CLVS1: variants seen among roughly 807,000 people sequenced by gnomAD.
CLVS1 encodes clavesin-1.
In CLVS1, 10 loss-of-function variants were observed where a neutral mutation model predicts 33.1. The observed-to-expected ratio is 0.30, with a 90% CI of 0.19 to 0.51. The LOEUF (loss-of-function observed/expected upper bound fraction) is 0.51, where lower values mean the gene tolerates loss of function less well. CLVS1 is among the 20% of genes least tolerant of loss of function. The pLI, the probability that CLVS1 is intolerant of heterozygous loss-of-function variation, is 0.97. For synonymous variants in CLVS1, 163 were observed against 166.1 expected, an observed-to-expected ratio of 0.98 and a Z score of 0.14; for missense variants, 343 against 433.4, an observed-to-expected ratio of 0.79 and a Z score of 1.85.
chr8:61,194,026 G>T (rs1157808710), intron 2 of CLVS1, among the ~76,000 whole-genome samples: 1 of 148,058 alleles, frequency 6.8e-6, no homozygotes, highest in Admixed American at 6.9e-5. Context: ...TCATATATAT[G>T]TTTTAATGGA....
intron 1 of CLVS1, among the ~76,000 whole-genome samples, chr8:61,111,306 A>G (rs1038082582): frequency 1.3e-5 from 2 of 152,190 alleles, no homozygotes; most frequent in African/African-American, 4.8e-5. Context: ...ATGACAGTTG[A>G]TTGCAAAAAC....
chr8:61,016,941 C>G, the CLVS1 span, among the ~76,000 whole-genome samples: 1 of 152,152 alleles, frequency 6.6e-6, no homozygotes, highest in Non-Finnish European at 1.5e-5. Context: ...GCAGGGATCC[C>G]GATCTGCTGC....
At chr8:61,444,474 A>C (rs372532030) in intron 3 of CLVS1, among the ~76,000 whole-genome samples, 2 of 152,250 alleles carry the variant, frequency 1.3e-5, no homozygotes, top group East Asian at 1.9e-4. Flanking sequence ...TTTATGTATC[A>C]GTAGATATGA....
chr8:61,128,647 G>A (rs1218898294), intron 1 of CLVS1, among the ~76,000 whole-genome samples: 1 of 152,224 alleles, frequency 6.6e-6, no homozygotes, highest in Admixed American at 6.5e-5. Context: ...GTGCTTCTCA[G>A]CCTGGTTCAA....
At chr8:61,228,673 T>A (rs1808376391) in intron 2 of CLVS1, among the ~76,000 whole-genome samples, 1 of 152,228 alleles carries the variant, frequency 6.6e-6, no homozygotes, top group African/African-American at 2.4e-5. Context: ...CTGGCTTATT[T>A]CACTTAATAT....
intron 2 of CLVS1, among the ~76,000 whole-genome samples, chr8:61,198,938 T>C (rs1447937818): frequency 6.6e-6 from 1 of 152,242 alleles, no homozygotes; most frequent in African/African-American, 2.4e-5. Context: ...GTGATGTATA[T>C]GTACTACATT....
chr8:61,200,761 T>A (rs1807711342), intron 2 of CLVS1, among the ~76,000 whole-genome samples: 1 of 152,252 alleles, frequency 6.6e-6, no homozygotes, highest in Admixed American at 6.5e-5. Flanking sequence ...ATCACTTTTT[T>A]AAGCTTTGTC....
intron 2 of CLVS1, among the ~76,000 whole-genome samples, chr8:61,308,953 G>C (rs1156302982): frequency 6.6e-6 from 1 of 152,128 alleles, no homozygotes; most frequent in Non-Finnish European, 1.5e-5. Flanking sequence ...CTGAATCACC[G>C]GTATGCTGTT....
chr8:61,072,327 A>C (rs1168667253), intron 1 of CLVS1, among the ~76,000 whole-genome samples: 1 of 152,330 alleles, frequency 6.6e-6, no homozygotes, highest in East Asian at 1.9e-4. Context: ...ATGAAGATGC[A>C]TTCCAGATCC....
chr8:61,212,451 C>A (rs1807990688), intron 2 of CLVS1, among the ~76,000 whole-genome samples: 1 of 152,160 alleles, frequency 6.6e-6, no homozygotes, highest in South Asian at 2.1e-4. Flanking sequence ...GTGAGGAGCC[C>A]AGGGTACTGA....
At chr8:61,491,319 T>C (rs1472684022) in intron 5 of CLVS1, among the ~76,000 whole-genome samples, 1 of 152,196 alleles carries the variant, frequency 6.6e-6, no homozygotes, top group East Asian at 1.9e-4. Flanking sequence ...AACTGCTTCA[T>C]ACTGGCACAG....
At chr8:61,292,386 G>A (rs923678437) in intron 1 of CLVS1, 18 of 456,036 alleles carry the variant, frequency 3.9e-5, no homozygotes, top group Admixed American at 9.4e-5. Flanking sequence ...GAAGGGTCAC[G>A]GTTACATGGA....
rs565947344 is a variant in CLVS1 at position 61,163,644 on chromosome 8, T to C, written c.-152+31784T>C. Among the ~76,000 whole-genome samples the C allele has an allele frequency of 8.1e-4, 124 of 152,308 alleles. 1 individual carries two copies. The highest frequency in any genetic ancestry group is 1.5e-3 in the Admixed American group (23 of 15,292). The stretch of plus-strand genomic sequence containing the variant: ...CTCACAGATTCCAAGGAATGGAACC[T>C]TGGGCCATGCAGTGTGTGTTATAGC... On this transcript the variant is annotated intron_variant, in intron 2 of 2. Transcript: ENST00000522621.
At chr8:61,049,979 T>A in the CLVS1 span, among the ~76,000 whole-genome samples, 30 of 152,272 alleles carry the variant, frequency 2.0e-4, no homozygotes, top group Admixed American at 8.5e-4. Context: ...TGGGCACTAA[T>A]GTATACGGTG....
chr8:61,023,006 G>A, the CLVS1 span, among the ~76,000 whole-genome samples: 1 of 152,178 alleles, frequency 6.6e-6, no homozygotes, highest in Admixed American at 6.5e-5. Context: ...CTTTGATCAA[G>A]GGATGAGCAA....
intron 2 of CLVS1, among the ~76,000 whole-genome samples, chr8:61,211,614 C>G (rs752004962): frequency 6.6e-6 from 1 of 152,198 alleles, no homozygotes; most frequent in Non-Finnish European, 1.5e-5. Context: ...GTGTGCCAGG[C>G]AATGGTTGCA....
intron 5 of CLVS1, among the ~76,000 whole-genome samples, chr8:61,460,210 A>G (rs1817324436): frequency 6.6e-6 from 1 of 152,214 alleles, no homozygotes; most frequent in Admixed American, 6.5e-5. Flanking sequence ...ATATTTGTGG[A>G]AAAATAAGAT....
the CLVS1 span, among the ~76,000 whole-genome samples, chr8:60,994,879 C>T: frequency 6.6e-6 from 1 of 151,974 alleles, no homozygotes; most frequent in Non-Finnish European, 1.5e-5. Flanking sequence ...ACTATCTGAT[C>T]TTTGACAAAC....
intron 2 of CLVS1, among the ~76,000 whole-genome samples, chr8:61,281,758 T>C (rs1809675461): frequency 6.6e-6 from 1 of 152,142 alleles, no homozygotes; most frequent in Admixed American, 6.5e-5. Flanking sequence ...ATACTCTGCA[T>C]CTTCAAGGTA....
Sources: allele counts gnomAD v4.1 joint callset (sites outside exome capture counted in the v4.1 genomes callset), GRCh38; gene constraint gnomAD v4.1.1; transcripts MANE v1.5; gene names NCBI Gene and HGNC (gene_info 2026-07-23, HGNC 2026-07-21).